The following PTPRS variants were observed in gnomAD, a reference collection of about 807,000 sequenced individuals.
PTPRS encodes the protein protein tyrosine phosphatase receptor type S.
A neutral mutation model predicts 215.3 loss-of-function variants in PTPRS; 63 were observed. The ratio of observed to expected loss-of-function variants is 0.29; its 90% confidence interval spans 0.24 to 0.36. The LOEUF (loss-of-function observed/expected upper bound fraction) is 0.36, where lower values mean the gene tolerates loss of function less well. Among genes scored for constraint, PTPRS ranks in the 10% least tolerant of loss-of-function variants. The probability of loss-of-function intolerance (pLI) is 1.00; values close to 1 mark genes in which losing one functional copy is unlikely to be tolerated. For synonymous variants in PTPRS, 1,404 were observed against 1,191.4 expected (o/e 1.18, Z -3.68); for missense variants, 2,258 against 2,825.8 (o/e 0.80, Z 4.56).
At position 5,229,293 on chromosome 19, in the gene PTPRS, G is replaced by T. The variant is rs374460370; in HGVS notation, c.2376+23C>A. On this transcript the variant is annotated intron_variant, in intron 16 of 37. Transcript: ENST00000262963. ...CCGCGGGAAGCGCACAGCAGTAGGTGGGTGGCCAGGGGCGCTACTTACATA... is the reference window on the plus strand; with the variant it reads ...CCGCGGGAAGCGCACAGCAGTAGGTTGGTGGCCAGGGGCGCTACTTACATA... 3 of 1,380,404 alleles carry T rather than the reference G, an allele frequency of 2.2e-6. No homozygotes were observed. The African/African-American group carries it at 4.5e-5, about 21-fold the overall frequency. The allele number at this position is 1,380,404 out of a possible 1,614,324, so 85.5% of individuals were successfully genotyped here. A position where few individuals can be genotyped will look rare whatever the true frequency, so the allele number is the denominator to read the frequency against.
intron 1 of PTPRS, among the ~76,000 whole-genome samples, chr19:5,292,523 GCTGCC>G (rs1397130639): frequency 6.6e-6 from 1 of 152,192 alleles, no homozygotes; most frequent in East Asian, 1.9e-4. Flanking sequence ...AAAGGTACGA[GCTGCC>G]CTGACCGTCT....
intron 4 of PTPRS, among the ~76,000 whole-genome samples, chr19:5,272,698 G>A (rs1198066825): frequency 2.0e-5 from 3 of 150,402 alleles, no homozygotes; most frequent in South Asian, 2.1e-4. Flanking sequence ...GTCTGGGGAA[G>A]TGGGGCAGCA....
At chr19:5,306,119 G>C (rs1377904591) in intron 1 of PTPRS, among the ~76,000 whole-genome samples, 2 of 150,708 alleles carry the variant, frequency 1.3e-5, no homozygotes, top group African/African-American at 2.4e-5. Context: ...TGAAGTTATT[G>C]ATCAAAGGTA....
chr19:5,218,629 C>T, intron 24 of PTPRS, 97 bp from the exon 25 acceptor site: 1 of 1,522,036 alleles, frequency 6.6e-7, no homozygotes, highest in Non-Finnish European at 9.1e-7. Context: ...AGAAAAGGAC[C>T]ATGGACCCGT....
At chr19:5,232,555 G>C (rs540006376) in intron 13 of PTPRS, among the ~76,000 whole-genome samples, 1 of 150,904 alleles carries the variant, frequency 6.6e-6, no homozygotes, top group African/African-American at 2.4e-5. Context: ...AACAGCAACA[G>C]AAGCTCCATT....
At chr19:5,303,776 C>CT (rs2049378271) in intron 1 of PTPRS, among the ~76,000 whole-genome samples, 1 of 151,552 alleles carries the variant, frequency 6.6e-6, no homozygotes, top group South Asian at 2.1e-4. Context: ...ATGGTGAAAC[C>CT]CTGTCTCTAC....
At chr19:5,288,579 C>G (rs1193099388) in intron 1 of PTPRS, among the ~76,000 whole-genome samples, 4 of 152,202 alleles carry the variant, frequency 2.6e-5, no homozygotes, top group Non-Finnish European at 5.9e-5. Flanking sequence ...AGCGGCTGGC[C>G]CTGCCCAGAA....
rs143923591 is a variant in PTPRS, at chr19:5,267,378, C to T, written c.380-2182G>A. 3.1e-3 allele frequency among the ~76,000 whole-genome samples: 472 copies of T among 152,078 alleles called. 1 individual carries two copies. The highest frequency in any genetic ancestry group is 9.6e-3 in the African/African-American group (399 of 41,494). On this transcript the variant is annotated intron_variant, in intron 4 of 37. Transcript: ENST00000262963. ...GGGTGCTCTACAAACCAAGATGGGCCGGCCGTGGGGGCTCACACCTGTAAT... is the reference window on the plus strand; with the variant it reads ...GGGTGCTCTACAAACCAAGATGGGCTGGCCGTGGGGGCTCACACCTGTAAT...
intron 1 of PTPRS, among the ~76,000 whole-genome samples, chr19:5,307,978 A>AT (rs1181782846): frequency 6.6e-6 from 1 of 152,122 alleles, no homozygotes; most frequent in African/African-American, 2.4e-5. Context: ...AGCTGGAAAG[A>AT]TTTACAAGGT....
At chr19:5,242,215 CAACAGGGGTGAGGAGTT>C (rs2044099601) in intron 11 of PTPRS, among the ~76,000 whole-genome samples, 1 of 152,066 alleles carries the variant, frequency 6.6e-6, no homozygotes, top group Non-Finnish European at 1.5e-5. Context: ...ACTCAAATGC[CAACAGGGGTGAGGAGTT>C]AACAGAGAAG....
At chr19:5,321,746 C>G (rs990723196) in intron 1 of PTPRS, among the ~76,000 whole-genome samples, 4 of 149,852 alleles carry the variant, frequency 2.7e-5, no homozygotes, top group African/African-American at 4.9e-5. Context: ...TTTATCCAAG[C>G]GCCAAAATTG....
chr19:5,312,076 A>T (rs192481299), intron 1 of PTPRS, among the ~76,000 whole-genome samples: 6 of 151,886 alleles, frequency 4.0e-5, no homozygotes, highest in African/African-American at 1.2e-4. Context: ...CGCATCCCAC[A>T]TGACATCTCC....
intron 16 of PTPRS, among the ~76,000 whole-genome samples, chr19:5,227,064 T>C (rs576321905): frequency 7.2e-5 from 11 of 152,070 alleles, no homozygotes; most frequent in Admixed American, 1.3e-4. Context: ...TTTTATCTTA[T>C]TGAGACAGGG....
chr19:5,297,358 C>G (rs921272816), intron 1 of PTPRS, among the ~76,000 whole-genome samples: 2 of 152,204 alleles, frequency 1.3e-5, no homozygotes, highest in Admixed American at 6.5e-5. Context: ...ATCCATCCCT[C>G]GCCTAGAGAG....
At chr19:5,329,589 C>T (rs2050260182) in intron 1 of PTPRS, among the ~76,000 whole-genome samples, 1 of 151,466 alleles carries the variant, frequency 6.6e-6, no homozygotes, top group South Asian at 2.1e-4. Flanking sequence ...CACAGTGAAA[C>T]TCTGTCTCTA....
At chr19:5,313,940 A>AAATAATAATAAT (rs148699840) in intron 1 of PTPRS, among the ~76,000 whole-genome samples, 26 of 146,658 alleles carry the variant, frequency 1.8e-4, no homozygotes, top group East Asian at 6.1e-4. Context: ...CTCTCTCCAC[A>AAATAATAATAAT]AATAATAATA....
At chr19:5,223,329 C>T (rs1273243388) in intron 17 of PTPRS, 32 bp from the exon 18 acceptor site, 2 of 1,430,406 alleles carry the variant, frequency 1.4e-6, no homozygotes, top group Non-Finnish European at 1.8e-6. Context: ...GTCAGGGTCC[C>T]AGCGCCATCC....
chr19:5,310,854 T>A (rs2049678758), intron 1 of PTPRS, among the ~76,000 whole-genome samples: 1 of 152,082 alleles, frequency 6.6e-6, no homozygotes. Context: ...TATAGGCTTG[T>A]ACCACCACAC....
At chr19:5,336,015 A>G (rs2050486470) in intron 1 of PTPRS, among the ~76,000 whole-genome samples, 1 of 144,732 alleles carries the variant, frequency 6.9e-6, no homozygotes, top group African/African-American at 2.6e-5. Context: ...GAGGAGGAGG[A>G]GGAAAAAAAA....
Sources: allele counts gnomAD v4.1 joint callset (sites outside exome capture counted in the v4.1 genomes callset), GRCh38; gene constraint gnomAD v4.1.1; transcripts MANE v1.5; gene names NCBI Gene and HGNC (gene_info 2026-07-23, HGNC 2026-07-21).